GPR142: variants seen among roughly 807,000 people sequenced by gnomAD.
GPR142 encodes the protein G-protein coupled receptor 142 long form.
In GPR142, 9 loss-of-function variants were observed where a neutral mutation model predicts 10.6. The ratio of observed to expected loss-of-function variants is 0.85; its 90% confidence interval spans 0.51 to 1.48. The LOEUF (loss-of-function observed/expected upper bound fraction) is 1.48, where lower values mean the gene tolerates loss of function less well. GPR142 is among the 40% of genes most tolerant of loss of function. The pLI, the probability that GPR142 is intolerant of heterozygous loss-of-function variation, is 0.00. For synonymous variants in GPR142, 202 were observed against 221.2 expected, an observed-to-expected ratio of 0.91 and a Z score of 0.77; for missense variants, 482 against 506.0, an observed-to-expected ratio of 0.95 and a Z score of 0.45.
rs1299785185 is a variant in GPR142, at chr17:74,372,500, A to G, written c.1025A>G (p.His342Arg). ...CGGGCCACTGTCCGACAGGTCATCC[A>G]CGATGCCTACCTGCCCTGCACTTTG... ...TFRATVRQVIHDAYLPCTLAS... is the reference protein window; with the variant it reads ...TFRATVRQVIRDAYLPCTLAS... Residue 342 changes from histidine (H) to arginine (R), a missense_variant, in exon 4 of 4, where the codon CAC becomes CGC. Coordinates refer to ENST00000582579, the MANE Select transcript of GPR142 (RefSeq NM_001331076.1). 6.2e-7 allele frequency: 1 copy of G among 1,613,624 alleles called. No homozygotes were observed. The highest frequency in any genetic ancestry group is 8.5e-7 in the Non-Finnish European group (1 of 1,180,048).
At chr17:74,368,353 CG>C (rs1196222048) in intron 1 of GPR142, among the ~76,000 whole-genome samples, 1 of 152,152 alleles carries the variant, frequency 6.6e-6, no homozygotes, top group Non-Finnish European at 1.5e-5. Context: ...CTGCCCTGAG[CG>C]GGCAGCTCCG....
rs2055035447 is a variant in GPR142, at chr17:74,372,299, C to T, written c.824C>T (p.Thr275Ile). Reference sequence around the variant, plus strand: ...AGCACAGCCATCCTCCTGGGCATCACCACACTGTTCACCCTCCTGTGGGCG... The same window carrying T: ...AGCACAGCCATCCTCCTGGGCATCATCACACTGTTCACCCTCCTGTGGGCG... ...GKSTAILLGI[T>I]TLFTLLWAPR... The change falls in exon 4 of 4, where the codon ACC (threonine) becomes ATC (isoleucine). Residue 275 changes from threonine (T) to isoleucine (I), a missense_variant. Physicochemically the swap from Thr to Ile is moderately conservative, Grantham distance 89. Coordinates refer to ENST00000582579, the MANE Select transcript of GPR142 (RefSeq NM_001331076.1). The T allele has an allele frequency of 1.2e-6, 2 of 1,613,952 alleles. No individual in the cohort carries two copies. The highest frequency in any genetic ancestry group is 1.7e-6 in the Non-Finnish European group (2 of 1,179,810).
intron 1 of GPR142, among the ~76,000 whole-genome samples, chr17:74,369,085 C>G (rs1214791645): frequency 6.6e-6 from 1 of 152,188 alleles, no homozygotes; most frequent in Non-Finnish European, 1.5e-5. Flanking sequence ...CCCTTTCAGT[C>G]TGGATGCTCA....
rs1315376520 is a variant in GPR142 at position 74,372,320 on chromosome 17, G to A, written c.845G>A (p.Trp282Ter). The A allele has an allele frequency of 6.2e-7, 1 of 1,613,878 alleles. No homozygotes were observed. The highest frequency in any genetic ancestry group is 1.1e-5 in the South Asian group (1 of 91,072). ...LGITTLFTLL[W>*]APRVFVMLYH... ...ATCACCACACTGTTCACCCTCCTGT[G>A]GGCGCCCCGGGTCTTCGTCATGCTC... The change falls in exon 4 of 4, where the codon TGG becomes TAG. Residue 282 changes from tryptophan to a stop codon, truncating the protein, a stop_gained. Coordinates refer to ENST00000582579, the MANE Select transcript of GPR142 (RefSeq NM_001331076.1). LOFTEE classifies it low-confidence loss of function (END_TRUNC).
rs2055029161 is a variant in GPR142 at position 74,371,854 on chromosome 17, T to A, written c.379T>A (p.Phe127Ile). The change falls in exon 4 of 4, where the codon TTC becomes ATC. Residue 127 changes from phenylalanine to isoleucine, a missense_variant. Physicochemically the swap from Phe to Ile is conservative, Grantham distance 21 (BLOSUM62 0). Coordinates refer to ENST00000582579, the MANE Select transcript of GPR142 (RefSeq NM_001331076.1). ...IIQVVIVFAG[F>I]LLQGAVLARQ... is the part of the protein sequence containing the mutation. The stretch of plus-strand genomic sequence containing the variant: ...CCAGGTGGTCATCGTGTTCGCGGGC[T>A]TCCTCCTGCAGGGAGCAGTGCTGGC... 1.2e-6 allele frequency: 2 copies of A among 1,613,570 alleles called. No homozygotes were observed. The highest frequency in any genetic ancestry group is 2.7e-5 in the African/African-American group (2 of 74,948).
At position 74,371,711 on chromosome 17, in the gene GPR142, C is replaced by T. The variant is rs2055026561; in HGVS notation, c.254-18C>T. 16 of 1,582,052 alleles carry T rather than the reference C, an allele frequency of 1.0e-5. No individual in the cohort carries two copies. The East Asian group carries it at 3.6e-4, about 36-fold the overall frequency. On this transcript the variant is annotated intron_variant, in intron 3 of 3. Coordinates refer to ENST00000582579, the MANE Select transcript of GPR142 (RefSeq NM_001331076.1). ...CTCTTCTGATGCCTCTCCCCTCCCT[C>T]ACCTCGGCTGCCCTCAGTCAGCCTC...
In GPR142 at chr17:74,371,724, C is replaced by A. The variant is rs377155776; in HGVS notation, c.254-5C>A. ...TCTCCCCTCCCTCACCTCGGCTGCC[C>A]TCAGTCAGCCTCCTGACCGCAGTGG... On this transcript the variant is annotated splice_polypyrimidine_tract_variant and splice_region_variant and intron_variant, in intron 3 of 3. Transcript: ENST00000582579. 9 of 1,590,570 alleles carry A rather than the reference C, an allele frequency of 5.7e-6. No homozygotes were observed. Among genetic ancestry groups the A allele is most frequent in the Non-Finnish European group, 7.7e-6 (9 of 1,167,624 alleles).
At chr17:74,370,092 C>T (rs950524235) in intron 2 of GPR142, among the ~76,000 whole-genome samples, 6 of 152,114 alleles carry the variant, frequency 3.9e-5, no homozygotes, top group Non-Finnish European at 7.4e-5. Context: ...TCACCCGGGT[C>T]GGAATCACCC....
chr17:74,370,572 G>T lies in GPR142; in HGVS notation c.146G>T (p.Ser49Ile), dbSNP rs764974387. 3.3e-5 allele frequency: 54 copies of T among 1,612,518 alleles called. No homozygotes were observed. Among genetic ancestry groups the T allele is most frequent in the Non-Finnish European group, 4.3e-5 (51 of 1,179,332 alleles). The part of the protein sequence containing the change: ...LLPTPHVSGL[S>I]QEFESHWPEI... ...CCCACGCCCCACGTCAGCGGGCTGA[G>T]CCAGGAGTTTGAAAGCCACTGGCCA... Residue 49 changes from serine (S) to isoleucine (I), a missense_variant, in exon 3 of 4, where the codon AGC becomes ATC. Transcript: ENST00000582579.
At position 74,367,777 on chromosome 17, in the gene GPR142, C is replaced by A; in HGVS notation, c.-91C>A. ...AATCCAGCTGCCTCCCAGAACAGGCCTTCTATGGGGTGGGATGGTAAGTTG... is the reference window on the plus strand; with the variant it reads ...AATCCAGCTGCCTCCCAGAACAGGCATTCTATGGGGTGGGATGGTAAGTTG... On this transcript the variant is annotated 5_prime_UTR_variant, in exon 1 of 4. Coordinates refer to ENST00000582579, the MANE Select transcript of GPR142 (RefSeq NM_001331076.1). 6.2e-7 allele frequency: 1 copy of A among 1,608,288 alleles called. No homozygotes were observed. The highest frequency in any genetic ancestry group is 8.5e-7 in the Non-Finnish European group (1 of 1,176,516).
Position 74,367,625 on chromosome 17 carries a change from C to G in GPR142, c.-243C>G. The G allele has an allele frequency of 6.2e-7, 1 of 1,614,124 alleles. No homozygotes were observed. Among genetic ancestry groups the G allele is most frequent in the Non-Finnish European group, 8.5e-7 (1 of 1,180,028 alleles). On this transcript the variant is annotated 5_prime_UTR_variant, in exon 1 of 4. Transcript: ENST00000582579. Reference sequence around the variant, plus strand: ...CTGAGGAAGACAAATCAATGGTGTCCCATGCACAGAAAAGCCAGCATTCTT... The same window carrying G: ...CTGAGGAAGACAAATCAATGGTGTCGCATGCACAGAAAAGCCAGCATTCTT...
intron 3 of GPR142, 67 bp downstream of exon 3, chr17:74,370,746 G>A (rs1287146723): frequency 2.0e-6 from 3 of 1,476,922 alleles, no homozygotes; most frequent in East Asian, 2.3e-5. Flanking sequence ...TTCAATGGGT[G>A]CCAGTCCTCT....
rs1398475493 is a variant in GPR142, at chr17:74,367,532, G to A, written c.-336G>A. On this transcript the variant is annotated 5_prime_UTR_variant, in exon 1 of 4. Transcript: ENST00000582579. ...TGAGTATTATGATGTTGCCCATGGA[G>A]CAAAAGATCCAGTGGGTCCCCACTT... is the stretch of plus-strand genomic sequence containing the variant. 3 of 1,614,154 alleles carry A rather than the reference G, an allele frequency of 1.9e-6. No individual in the cohort carries two copies. The highest frequency in any genetic ancestry group is 1.1e-5 in the South Asian group (1 of 91,070).
At chr17:74,368,051 C>CAGA (rs1306612430) in intron 1 of GPR142, among the ~76,000 whole-genome samples, 2 of 152,176 alleles carry the variant, frequency 1.3e-5, no homozygotes, top group Non-Finnish European at 2.9e-5. Context: ...GAGGCCAAGG[C>CAGA]AGAAGGACCA....
In GPR142 at chr17:74,372,126, A is replaced by G. The variant is rs771931723; in HGVS notation, c.651A>G (p.Ser217=). The part of the protein sequence containing the change: ...WWLDMWRDTD[S]PRTLDEVLKW... The stretch of plus-strand genomic sequence containing the variant: ...TGGACATGTGGAGAGACACCGACTC[A>G]CCCAGAACACTGGACGAGGTCCTCA... The change falls in exon 4 of 4, where the codon TCA becomes TCG. Residue 217 remains serine (S), a synonymous_variant. Coordinates refer to ENST00000582579, the MANE Select transcript of GPR142 (RefSeq NM_001331076.1). 4 of 1,613,932 alleles carry G rather than the reference A, an allele frequency of 2.5e-6. No individual in the cohort carries two copies. Among genetic ancestry groups the G allele is most frequent in the Non-Finnish European group, 3.4e-6 (4 of 1,180,006 alleles).
At chr17:74,370,725 G>T in intron 3 of GPR142, 46 bp downstream of exon 3, 1 of 1,571,634 alleles carries the variant, frequency 6.4e-7, no homozygotes, top group Non-Finnish European at 8.7e-7. Context: ...GGCCAGAAAT[G>T]GGGATCCTCC....
In GPR142 at chr17:74,371,992, T is replaced by A; in HGVS notation, c.517T>A (p.Cys173Ser). The change falls in exon 4 of 4, where the codon TGC becomes AGC. Residue 173 changes from cysteine to serine, a missense_variant. Physicochemically the swap from Cys to Ser is moderately radical, Grantham distance 112. Coordinates refer to ENST00000582579, the MANE Select transcript of GPR142 (RefSeq NM_001331076.1). ...CACGGTTGACCGCTACACTGCCCTGTGCCACCCCCTGCACCATCGGGCCGC... is the reference window on the plus strand; with the variant it reads ...CACGGTTGACCGCTACACTGCCCTGAGCCACCCCCTGCACCATCGGGCCGC... Reference protein sequence around the residue: ...LLTVDRYTALCHPLHHRAASS... With the variant: ...LLTVDRYTALSHPLHHRAASS... 1 of 1,613,056 alleles carries A rather than the reference T, an allele frequency of 6.2e-7. No individual in the cohort carries two copies. The highest frequency in any genetic ancestry group is 8.5e-7 in the Non-Finnish European group (1 of 1,179,930).
chr17:74,370,780 A>C, intron 3 of GPR142, 101 bp downstream of exon 3: 1 of 1,138,612 alleles, frequency 8.8e-7, no homozygotes, highest in Non-Finnish European at 1.2e-6. Flanking sequence ...GAGGCCCTGG[A>C]TCATAGACCC....
intron 3 of GPR142, among the ~76,000 whole-genome samples, chr17:74,371,510 G>A (rs560240802): frequency 5.3e-5 from 8 of 152,318 alleles, no homozygotes; most frequent in Admixed American, 3.3e-4. Flanking sequence ...GTGCATAACC[G>A]GGGTACAGCC....
Sources: gnomAD v4.1 joint callset for allele counts (sites outside exome capture counted in the v4.1 genomes callset) on GRCh38, gnomAD v4.1.1 for gene constraint, MANE v1.5 for transcripts, NCBI Gene and HGNC (gene_info 2026-07-23, HGNC 2026-07-21) for gene names.